THRB: variants seen among roughly 807,000 people sequenced by gnomAD.
THRB encodes thyroid hormone receptor beta, also known as nuclear receptor subfamily 1 group A member 2.
THRB carries 12 observed loss-of-function variants against 47.8 expected under a neutral mutation model. The ratio of observed to expected loss-of-function variants is 0.25; its 90% CI spans 0.16 to 0.41. The LOEUF is 0.41. Among genes scored for constraint, THRB ranks in the 10% least tolerant of loss-of-function variants. The pLI, the probability that THRB is intolerant of heterozygous loss-of-function variation, is 1.00. For missense variants in THRB, 348 were observed against 589.2 expected, an observed-to-expected ratio of 0.59 and a Z score of 4.24; for synonymous variants, 218 against 212.2, an observed-to-expected ratio of 1.03 and a Z score of -0.24.
chr3:24,472,922 A>T (rs1694918765), intron 1 of THRB, among the ~76,000 whole-genome samples: 1 of 152,092 alleles, frequency 6.6e-6, no homozygotes, highest in Non-Finnish European at 1.5e-5. Context: ...AATTCTTAAT[A>T]TTTACAAATT....
chr3:24,278,066 G>A (rs2054123104), intron 3 of THRB, among the ~76,000 whole-genome samples: 1 of 152,126 alleles, frequency 6.6e-6, no homozygotes. Context: ...GATTTAAGGT[G>A]GGTTAAAGAA....
chr3:24,320,339 G>T (rs530720952), intron 2 of THRB, among the ~76,000 whole-genome samples: 1 of 152,312 alleles, frequency 6.6e-6, no homozygotes, highest in East Asian at 1.9e-4. Context: ...CCTAATAAGA[G>T]TTGAACCGGA....
chr3:24,407,236 C>T (rs1313155204), intron 1 of THRB, among the ~76,000 whole-genome samples: 3 of 151,788 alleles, frequency 2.0e-5, no homozygotes, highest in East Asian at 2.0e-4. Flanking sequence ...CTCAGGAATA[C>T]GACCCTTTGC....
At chr3:24,331,680 G>GGTGTGT (rs35142390) in intron 2 of THRB, among the ~76,000 whole-genome samples, 12 of 150,078 alleles carry the variant, frequency 8.0e-5, no homozygotes, top group African/African-American at 2.5e-4. Flanking sequence ...CTCCGTGTAT[G>GGTGTGT]GTGTGTGTGT....
At chr3:24,460,478 C>T (rs56268811) in intron 1 of THRB, among the ~76,000 whole-genome samples, 77 of 152,246 alleles carry the variant, frequency 5.1e-4, no homozygotes, top group Non-Finnish European at 8.2e-4. Context: ...AACCAGATTT[C>T]TTTGTATTTC....
At chr3:24,479,744 G>C (rs1185948749) in intron 1 of THRB, among the ~76,000 whole-genome samples, 4 of 152,164 alleles carry the variant, frequency 2.6e-5, no homozygotes, top group Non-Finnish European at 5.9e-5. Context: ...GGTGGAAGTC[G>C]GGGTTACAGG....
chr3:24,393,504 T>C (rs1014148587), intron 1 of THRB, among the ~76,000 whole-genome samples: 4 of 152,142 alleles, frequency 2.6e-5, no homozygotes, highest in Non-Finnish European at 5.9e-5. Flanking sequence ...TAGGGGCACC[T>C]GGGAGAGGTC....
chr3:24,266,823 A>G (rs2052708655), intron 3 of THRB, among the ~76,000 whole-genome samples: 1 of 152,146 alleles, frequency 6.6e-6, no homozygotes, highest in Non-Finnish European at 1.5e-5. Context: ...CAGACCTTCC[A>G]TATTAAACAT....
intron 1 of THRB, among the ~76,000 whole-genome samples, chr3:24,404,080 T>TC (rs2067634377): frequency 6.6e-6 from 1 of 151,942 alleles, no homozygotes; most frequent in Non-Finnish European, 1.5e-5. Context: ...TAGATTCCCA[T>TC]AGTTAAAGAC....
At chr3:24,138,555 C>T (rs2035004050) in intron 8 of THRB, among the ~76,000 whole-genome samples, 1 of 152,186 alleles carries the variant, frequency 6.6e-6, no homozygotes, top group Non-Finnish European at 1.5e-5. Flanking sequence ...AAAGAAGTCA[C>T]ACTTAAAAAA....
intron 3 of THRB, among the ~76,000 whole-genome samples, chr3:24,276,742 G>A (rs543667775): frequency 6.6e-6 from 1 of 152,262 alleles, no homozygotes; most frequent in Non-Finnish European, 1.5e-5. Flanking sequence ...AACAGACGTG[G>A]AGTAAGTGTG....
At chr3:24,278,081 A>G (rs1212701342) in intron 3 of THRB, among the ~76,000 whole-genome samples, 6 of 152,254 alleles carry the variant, frequency 3.9e-5, no homozygotes, top group African/African-American at 1.4e-4. Context: ...AAAGAAATCC[A>G]TAATAATGTT....
chr3:24,136,892 G>A (rs2034749536), intron 8 of THRB, among the ~76,000 whole-genome samples: 1 of 152,208 alleles, frequency 6.6e-6, no homozygotes, highest in African/African-American at 2.4e-5. Flanking sequence ...TTTCACTGCT[G>A]CCTTCTCTCC....
chr3:24,152,971 AAAG>A (rs1409742505), intron 5 of THRB, among the ~76,000 whole-genome samples: 424 of 12,390 alleles, frequency 0.034, 2 homozygotes, highest in Admixed American at 0.076. Flanking sequence ...AAAAAAAAAA[AAAG>A]AAAGAAAGAA....
At chr3:24,471,444 T>C (rs1314422800) in intron 1 of THRB, among the ~76,000 whole-genome samples, 1 of 152,242 alleles carries the variant, frequency 6.6e-6, no homozygotes, top group Admixed American at 6.5e-5. Flanking sequence ...GATAGTCTTT[T>C]AGAATTTGGG....
At chr3:24,326,756 C>CTTTGTTTTTTTTT (rs2061619279) in intron 2 of THRB, among the ~76,000 whole-genome samples, 1 of 50,026 alleles carries the variant, frequency 2.0e-5, no homozygotes, top group Non-Finnish European at 3.4e-5. Context: ...CCAGTCTTGT[C>CTTTGTTTTTTTTT]TTTTTTTTTT....
At chr3:24,235,698 T>C (rs540953096) in intron 3 of THRB, among the ~76,000 whole-genome samples, 5 of 152,082 alleles carry the variant, frequency 3.3e-5, no homozygotes, top group Non-Finnish European at 7.4e-5. Context: ...CGTTATTACA[T>C]ACCCTAGCCC....
chr3:24,205,780 G>A (rs532720648), intron 4 of THRB, among the ~76,000 whole-genome samples: 343 of 152,280 alleles, frequency 2.3e-3, no homozygotes, highest in African/African-American at 7.7e-3. Flanking sequence ...GACACACATA[G>A]GCTCAAAGTA....
intron 3 of THRB, among the ~76,000 whole-genome samples, chr3:24,276,722 C>T (rs1187067966): frequency 6.6e-6 from 1 of 152,140 alleles, no homozygotes; most frequent in Non-Finnish European, 1.5e-5. Flanking sequence ...GGAGGCAACA[C>T]CAATGCTATA....
Sources: allele counts gnomAD v4.1 joint callset (sites outside exome capture counted in the v4.1 genomes callset), GRCh38; gene constraint gnomAD v4.1.1; transcripts MANE v1.5; gene names NCBI Gene and HGNC (gene_info 2026-07-23, HGNC 2026-07-21).